The following LY86 variants were observed in gnomAD, a reference collection of about 807,000 sequenced individuals.
LY86 encodes MD-1, RP105-associated.
Under a neutral mutation model 17.3 loss-of-function variants are expected in LY86, and 20 were observed. The ratio of observed to expected loss-of-function variants is 1.15; its 90% CI spans 0.81 to 1.68. LY86 has a LOEUF of 1.68. LY86 is among the 40% of genes most tolerant of loss of function. The pLI, the probability that LY86 is intolerant of heterozygous loss-of-function variation, is 0.00. For missense variants in LY86, 200 were observed against 191.9 expected, an observed-to-expected ratio of 1.04 and a Z score of -0.25; for synonymous variants, 74 against 70.6, an observed-to-expected ratio of 1.05 and a Z score of -0.24.
intron 1 of LY86, among the ~76,000 whole-genome samples, chr6:6,599,198 A>G (rs978893877): frequency 2.6e-5 from 4 of 152,186 alleles, no homozygotes; most frequent in Non-Finnish European, 5.9e-5. Context: ...ACATGACCCA[A>G]TTTCCTTCCC....
intron 1 of LY86, among the ~76,000 whole-genome samples, chr6:6,603,565 A>T (rs566304201): frequency 6.8e-6 from 1 of 147,714 alleles, no homozygotes; most frequent in African/African-American, 2.4e-5. Flanking sequence ...GGTCTCCAGA[A>T]GCCAAAACAA....
chr6:6,590,972 T>TGGATG (rs1357967446), intron 1 of LY86, among the ~76,000 whole-genome samples: 1 of 152,222 alleles, frequency 6.6e-6, no homozygotes, highest in African/African-American at 2.4e-5. Context: ...AATGAACGAC[T>TGGATG]GGATGCTGGA....
At chr6:6,588,900 T>TTA (rs1411011771) in intron 1 of LY86, 30 bp downstream of exon 1, 2 of 1,605,720 alleles carry the variant, frequency 1.2e-6, no homozygotes, top group African/African-American at 2.7e-5. Flanking sequence ...CCATGTGTGT[T>TTA]TATGGGGAAA....
At chr6:6,595,128 T>G (rs1581229038) in intron 1 of LY86, among the ~76,000 whole-genome samples, 28 of 123,594 alleles carry the variant, frequency 2.3e-4, no homozygotes, top group South Asian at 5.1e-4. Flanking sequence ...GAGAGGGAGG[T>G]GGTGAGGGAG....
At chr6:6,653,644 T>C (rs1762219080) in intron 4 of LY86, among the ~76,000 whole-genome samples, 1 of 152,162 alleles carries the variant, frequency 6.6e-6, no homozygotes, top group Admixed American at 6.5e-5. Context: ...AAGGCAGCCA[T>C]TCTTTCTGTG....
intron 1 of LY86, among the ~76,000 whole-genome samples, chr6:6,593,539 A>G (rs139779750): frequency 5.3e-5 from 8 of 152,372 alleles, no homozygotes; most frequent in African/African-American, 1.9e-4. Context: ...ATTATGTGAG[A>G]AGGACTATAT....
At chr6:6,601,942 T>C (rs1417590339) in intron 1 of LY86, among the ~76,000 whole-genome samples, 2 of 152,150 alleles carry the variant, frequency 1.3e-5, no homozygotes, top group Non-Finnish European at 2.9e-5. Flanking sequence ...TAAGTGTGTT[T>C]CAACATTGCG....
rs543404782 is a variant in LY86, at chr6:6,593,501, T to C, written c.136+4631T>C. ...TTAGCCTAATGTCATAGGGAGAATA[T>C]ATTACCTACGCAAAGGGCTGTGTGA... is the stretch of plus-strand genomic sequence containing the variant. On this transcript the variant is annotated intron_variant, in intron 1 of 4. Transcript: ENST00000230568. Among the ~76,000 whole-genome samples, 4 of 152,320 alleles carry C rather than the reference T, an allele frequency of 2.6e-5. No individual in the cohort carries two copies. In the East Asian group the frequency reaches 7.7e-4, roughly 29 times the overall value.
chr6:6,616,775 G>A (rs758058976), intron 1 of LY86, among the ~76,000 whole-genome samples: 3 of 152,264 alleles, frequency 2.0e-5, no homozygotes, highest in South Asian at 2.1e-4. Flanking sequence ...CAGCATTTGC[G>A]GCATGTCAAG....
At chr6:6,607,976 CAAAAA>C (rs1455865753) in intron 1 of LY86, among the ~76,000 whole-genome samples, 1 of 152,100 alleles carries the variant, frequency 6.6e-6, no homozygotes, top group South Asian at 2.1e-4. Context: ...TCTTACAAAA[CAAAAA>C]AATGACAAAT....
intron 1 of LY86, among the ~76,000 whole-genome samples, chr6:6,611,471 G>T (rs941719879): frequency 6.6e-6 from 1 of 152,218 alleles, no homozygotes; most frequent in Non-Finnish European, 1.5e-5. Flanking sequence ...ACCTGCTGTG[G>T]AAAGAGCTAT....
At chr6:6,643,516 G>A (rs1762068353) in intron 3 of LY86, among the ~76,000 whole-genome samples, 1 of 152,242 alleles carries the variant, frequency 6.6e-6, no homozygotes, top group Non-Finnish European at 1.5e-5. Flanking sequence ...GCATGGGAAA[G>A]GAAGAGATGG....
chr6:6,609,911 G>A (rs1260276949), intron 1 of LY86, among the ~76,000 whole-genome samples: 3 of 152,152 alleles, frequency 2.0e-5, no homozygotes, highest in African/African-American at 7.2e-5. Context: ...ATTGGCTACA[G>A]GGCCCTGAAC....
chr6:6,639,165 A>G (rs1025556650), intron 3 of LY86, among the ~76,000 whole-genome samples: 1 of 151,712 alleles, frequency 6.6e-6, no homozygotes, highest in African/African-American at 2.4e-5. Flanking sequence ...TCTCAGCTCT[A>G]AAGTATTTTT....
chr6:6,640,552 C>T (rs1016233651), intron 3 of LY86, among the ~76,000 whole-genome samples: 1 of 151,742 alleles, frequency 6.6e-6, no homozygotes, highest in African/African-American at 2.4e-5. Flanking sequence ...AGACCCCCAT[C>T]TCTAAAAAAT....
intron 4 of LY86, among the ~76,000 whole-genome samples, chr6:6,653,763 AC>A (rs144431835): frequency 0.028 from 4,234 of 152,222 alleles, 214 homozygotes; most frequent in African/African-American, 0.096. Flanking sequence ...CCTTGGAGTC[AC>A]CTTTAACCCA....
chr6:6,607,011 C>T (rs947548978), intron 1 of LY86, among the ~76,000 whole-genome samples: 1 of 152,268 alleles, frequency 6.6e-6, no homozygotes, highest in Non-Finnish European at 1.5e-5. Context: ...AAGCAAGTCA[C>T]TGGGCTACTC....
intron 1 of LY86, among the ~76,000 whole-genome samples, chr6:6,612,418 C>A (rs758501782): frequency 6.6e-6 from 1 of 152,192 alleles, no homozygotes; most frequent in South Asian, 2.1e-4. Flanking sequence ...TCTCACTGGC[C>A]TCATAAAAGA....
chr6:6,621,082 C>G (rs1240164368), intron 1 of LY86: 1 of 152,138 alleles, frequency 6.6e-6, no homozygotes, highest in Non-Finnish European at 1.5e-5. Flanking sequence ...GTCAACAGGA[C>G]AGACAGCAAG....
Sources: allele counts gnomAD v4.1 joint callset (sites outside exome capture counted in the v4.1 genomes callset), GRCh38; gene constraint gnomAD v4.1.1; transcripts MANE v1.5; gene names NCBI Gene and HGNC (gene_info 2026-07-23, HGNC 2026-07-21).